The following PDE10A variants were observed in gnomAD, a reference collection of about 807,000 sequenced individuals.
PDE10A encodes the protein phosphodiesterase 10A.
Under a neutral mutation model 97.7 loss-of-function variants are expected in PDE10A, and 39 were observed. The ratio of observed to expected loss-of-function variants is 0.40; its 90% CI spans 0.31 to 0.52. The LOEUF is 0.52. Among genes scored for constraint, PDE10A ranks in the 20% least tolerant of loss-of-function variants. PDE10A has a pLI of 0.56. For synonymous variants in PDE10A, 371 were observed against 376.8 expected, an observed-to-expected ratio of 0.98 and a Z score of 0.18; for missense variants, 731 against 1,047.8, an observed-to-expected ratio of 0.70 and a Z score of 4.17.
In PDE10A at chr6:165,331,542, C is replaced by T. The variant is rs1002741623; in HGVS notation, c.*1483G>A. ...GCATATTTTTCCATTTTATTAAAAG[C>T]GATATTCCAGTTTCCTGCCACATGA... is the stretch of plus-strand genomic sequence containing the variant. On this transcript the variant is annotated 3_prime_UTR_variant, in exon 22 of 22. Transcript: ENST00000539869. 2 of 152,050 alleles carry T rather than the reference C, an allele frequency of 1.3e-5. No homozygotes were observed. The highest frequency in any genetic ancestry group is 4.8e-5 in the African/African-American group (2 of 41,400). The allele number at this position is 152,050 out of a possible 1,614,324, so 9.4% of individuals were successfully genotyped here.
At chr6:165,942,032 C>G (rs1423860829) in intron 1 of PDE10A, among the ~76,000 whole-genome samples, 1 of 152,164 alleles carries the variant, frequency 6.6e-6, no homozygotes, top group Non-Finnish European at 1.5e-5. Flanking sequence ...CTCATGATGC[C>G]ATCCGGACAG....
upstream of PDE10A, among the ~76,000 whole-genome samples, chr6:165,666,825 C>T (rs569921464): frequency 3.3e-5 from 5 of 152,166 alleles, no homozygotes; most frequent in East Asian, 3.8e-4. Flanking sequence ...AAAGTTAATG[C>T]GCATGTAATT....
chr6:165,341,285 T>C (rs945062445), intron 19 of PDE10A, among the ~76,000 whole-genome samples: 4 of 152,206 alleles, frequency 2.6e-5, no homozygotes, highest in African/African-American at 9.6e-5. Flanking sequence ...AACCAGTGAA[T>C]AATATAAAGG....
intron 1 of PDE10A, among the ~76,000 whole-genome samples, chr6:165,616,170 G>A (rs1338090695): frequency 6.6e-6 from 1 of 152,066 alleles, no homozygotes; most frequent in Admixed American, 6.6e-5. Context: ...ATGACACAGG[G>A]TGCAAGGCCA....
At chr6:165,604,687 T>A (rs1286265423) in intron 1 of PDE10A, among the ~76,000 whole-genome samples, 1 of 152,214 alleles carries the variant, frequency 6.6e-6, no homozygotes, top group Admixed American at 6.5e-5. Context: ...GTAAAGCAGA[T>A]CTCTTAGGTA....
chr6:165,848,334 G>C (rs1780479899), intron 1 of PDE10A, among the ~76,000 whole-genome samples: 1 of 152,182 alleles, frequency 6.6e-6, no homozygotes, highest in Non-Finnish European at 1.5e-5. Context: ...GTAACTTGGA[G>C]GGTGGGCTCC....
chr6:165,514,545 T>G (rs1781680985), intron 2 of PDE10A, among the ~76,000 whole-genome samples: 1 of 152,176 alleles, frequency 6.6e-6, no homozygotes, highest in Non-Finnish European at 1.5e-5. Context: ...TTCTCCAGTT[T>G]CCACTGCACA....
chr6:165,349,384 T>C lies in PDE10A; in HGVS notation c.2784-5882A>G, dbSNP rs187557589. On this transcript the variant is annotated intron_variant, in intron 18 of 21. Transcript: ENST00000539869. ...GGTCACTCTTGCTATGCAAAGAGAC[T>C]GGTGGCATGTTGCCCCTGCCCTAGG... is the stretch of plus-strand genomic sequence containing the variant. Among the ~76,000 whole-genome samples the C allele has an allele frequency of 1.7e-3, 232 of 136,530 alleles. 1 individual carries two copies. The highest frequency in any genetic ancestry group is 6.5e-3 in the African/African-American group (216 of 33,032). 89.6% of individuals were successfully genotyped at this position (136,530 alleles called of 152,430 possible). A position where few individuals can be genotyped will look rare whatever the true frequency, so the allele number is the denominator to read the frequency against.
chr6:165,765,633 C>T (rs1481307594), intron 1 of PDE10A, among the ~76,000 whole-genome samples: 3 of 152,168 alleles, frequency 2.0e-5, no homozygotes, highest in Non-Finnish European at 2.9e-5. Flanking sequence ...CCCGCAAGCG[C>T]CACATGCAGC....
intron 2 of PDE10A, among the ~76,000 whole-genome samples, chr6:165,492,280 AAAG>A (rs1460146229): frequency 1.3e-5 from 2 of 152,222 alleles, no homozygotes; most frequent in Admixed American, 6.5e-5. Flanking sequence ...TCAGACATTC[AAAG>A]AAGAATTGGT....
At chr6:165,720,014 G>A (rs185481491) in intron 1 of PDE10A, among the ~76,000 whole-genome samples, 182 of 152,336 alleles carry the variant, frequency 1.2e-3, no homozygotes, top group Non-Finnish European at 2.2e-3. Context: ...GAACTGCTGC[G>A]AGAATTTGGT....
At chr6:165,857,785 A>C (rs1780790399) in intron 1 of PDE10A, among the ~76,000 whole-genome samples, 1 of 151,992 alleles carries the variant, frequency 6.6e-6, no homozygotes, top group Non-Finnish European at 1.5e-5. Flanking sequence ...AGGGCAATGC[A>C]TCATGAGGAC....
chr6:165,685,640 C>G (rs1027328415), intron 1 of PDE10A, among the ~76,000 whole-genome samples: 3 of 152,062 alleles, frequency 2.0e-5, no homozygotes, highest in Non-Finnish European at 4.4e-5. Context: ...CCTCTTTTAC[C>G]TGTGTACCCA....
chr6:165,788,518 CAAAAA>C (rs56927613), intron 1 of PDE10A, among the ~76,000 whole-genome samples: 2 of 74,764 alleles, frequency 2.7e-5, no homozygotes, highest in Non-Finnish European at 4.6e-5. Flanking sequence ...AACTCTGTCT[CAAAAA>C]AAAAAAAAAA....
intron 1 of PDE10A, among the ~76,000 whole-genome samples, chr6:165,980,002 T>C (rs562327508): frequency 3.9e-5 from 6 of 152,346 alleles, no homozygotes; most frequent in African/African-American, 1.4e-4. Flanking sequence ...CTATGTATTG[T>C]TACTGAGATG....
intron 1 of PDE10A, among the ~76,000 whole-genome samples, chr6:165,710,314 G>T (rs1157587556): frequency 2.0e-5 from 3 of 152,130 alleles, no homozygotes; most frequent in Non-Finnish European, 2.9e-5. Flanking sequence ...CACATAGCAG[G>T]GGCAAAAACA....
At chr6:165,780,536 T>C (rs1778315362) in intron 1 of PDE10A, 1 of 152,226 alleles carries the variant, frequency 6.6e-6, no homozygotes, top group East Asian at 1.9e-4. Flanking sequence ...GTTCTCAGGA[T>C]GATTAAGAGC....
chr6:165,810,161 C>T (rs113185161), intron 1 of PDE10A, among the ~76,000 whole-genome samples: 2,617 of 152,130 alleles, frequency 0.017, 65 homozygotes, highest in African/African-American at 0.06. Context: ...GTTGATCCCC[C>T]GTGAGCTGTG....
At position 165,622,836 on chromosome 6, in the gene PDE10A, A is replaced by G. The variant is rs370034489; in HGVS notation, c.865+39111T>C. ...ATCTCATGCTGAATTGTAATCCCCA[A>G]TGCTGGAGGTGGGGCCCCGTGGGAG... On this transcript the variant is annotated intron_variant, in intron 1 of 21. Coordinates refer to ENST00000539869, the MANE Select transcript of PDE10A (RefSeq NM_001385079.1). Among the ~76,000 whole-genome samples, 61 of 152,296 alleles carry G rather than the reference A, an allele frequency of 4.0e-4. 1 individual carries two copies. The highest frequency in any genetic ancestry group is 1.3e-3 in the African/African-American group (56 of 41,584).
Sources: gnomAD v4.1 joint callset for allele counts (sites outside exome capture counted in the v4.1 genomes callset) on GRCh38, gnomAD v4.1.1 for gene constraint, MANE v1.5 for transcripts, NCBI Gene and HGNC (gene_info 2026-07-23, HGNC 2026-07-21) for gene names.